The following FAM107A variants were observed in gnomAD, a reference collection of about 807,000 sequenced individuals.
The protein encoded by FAM107A is actin-associated protein FAM107A.
FAM107A carries 19 observed loss-of-function variants against 13.7 expected under a neutral mutation model. The observed-to-expected ratio is 1.38, with a 90% confidence interval of 0.97 to 2.03. The LOEUF is 2.03. Among genes scored for constraint, FAM107A ranks in the 30% most tolerant of loss-of-function variants. FAM107A has a pLI of 0.00. For synonymous variants in FAM107A, 82 were observed against 74.5 expected (o/e 1.10, Z -0.52); for missense variants, 203 against 184.4 (o/e 1.10, Z -0.58).
rs1348360231 is a variant in FAM107A, at chr3:58,566,659, G to T, written c.364C>A (p.Pro122Thr). 55 of 1,614,030 alleles carry T rather than the reference G, an allele frequency of 3.4e-5. No homozygotes were observed. Among genetic ancestry groups the T allele is most frequent in the Non-Finnish European group, 4.5e-5 (53 of 1,179,958 alleles). ...KPPEKEEDHA[P>T]EFIKVRENLR... ...TTTTCCCTGACTTTAATAAACTCGG[G>T]GGCGTGATCCTCTTCCTTCTCTGGT... is the stretch of plus-strand genomic sequence containing the variant. Residue 122 changes from proline to threonine, a missense_variant, in exon 4 of 4, where the codon CCC becomes ACC. Transcript: ENST00000360997.
upstream of FAM107A, among the ~76,000 whole-genome samples, chr3:58,581,533 G>T (rs947561505): frequency 5.3e-5 from 8 of 152,088 alleles, no homozygotes; most frequent in Non-Finnish European, 4.4e-5. Flanking sequence ...AATCTCCAAG[G>T]CCCCTTTTCA....
At chr3:58,575,348 C>T (rs1489230848) in intron 1 of FAM107A, among the ~76,000 whole-genome samples, 1 of 152,074 alleles carries the variant, frequency 6.6e-6, no homozygotes, top group Non-Finnish European at 1.5e-5. Context: ...TGTGCTTAGC[C>T]CAGCGCCTGG....
In FAM107A at chr3:58,604,537, T is replaced by A. The variant is rs74944171; in HGVS notation, c.-69-15268A>T. Among the ~76,000 whole-genome samples, 1 of 152,148 alleles carries A rather than the reference T, an allele frequency of 6.6e-6. No homozygotes were observed. The highest frequency in any genetic ancestry group is 1.5e-5 in the Non-Finnish European group (1 of 68,024). On this transcript the variant is annotated intron_variant, in intron 1 of 3. Transcript: ENST00000465970. The surrounding 1 kb of genome is among the most constrained non-coding windows in gnomAD (Gnocchi z 4.1). ...GCAGGGTCATAACTTGTTTCTCTCA[T>A]TGTTGCACGTGACAGCCTCACCCAC...
intron 1 of FAM107A, chr3:58,570,341 C>G (rs1433298406): frequency 4.2e-5 from 41 of 978,116 alleles, no homozygotes; most frequent in Non-Finnish European, 5.0e-5. Context: ...TTGTCTAACT[C>G]TATCCACAGT....
chr3:58,586,850 C>G (rs17059434), intron 1 of FAM107A: 288,495 of 1,525,824 alleles, frequency 0.19, 32,298 homozygotes, highest in East Asian at 0.41. Context: ...GGCGTTGCTC[C>G]CACTTACCCG....
At chr3:58,580,273 A>G (rs2065516511), upstream of FAM107A, among the ~76,000 whole-genome samples, 1 of 151,938 alleles carries the variant, frequency 6.6e-6, no homozygotes, top group South Asian at 2.1e-4. Context: ...ACTAGTGTGG[A>G]GGCAAATACA....
At chr3:58,624,482 C>A (rs1265966819) in intron 1 of FAM107A, among the ~76,000 whole-genome samples, 1 of 151,252 alleles carries the variant, frequency 6.6e-6, no homozygotes, top group East Asian at 2.0e-4. Flanking sequence ...TCTGCCCACC[C>A]CACAGCTGGA....
chr3:58,569,894 G>C lies in FAM107A; in HGVS notation c.-5-29C>G. On this transcript the variant is annotated intron_variant, in intron 1 of 3. Transcript: ENST00000360997. This position sits in a 1 kb window ranked among gnomAD's most constrained non-coding sequence, Gnocchi z 5.7. ...TAGAGATGGGCAGAGGAGTAGCTCAGAGCTGAGCCTATAATCTCACCCTGC... is the reference window on the plus strand; with the variant it reads ...TAGAGATGGGCAGAGGAGTAGCTCACAGCTGAGCCTATAATCTCACCCTGC... 6.2e-7 allele frequency: 1 copy of C among 1,602,398 alleles called. No individual in the cohort carries two copies. Among genetic ancestry groups the C allele is most frequent in the Non-Finnish European group, 8.5e-7 (1 of 1,174,562 alleles).
chr3:58,618,050 G>C (rs1300197687), intron 1 of FAM107A, among the ~76,000 whole-genome samples: 1 of 152,166 alleles, frequency 6.6e-6, no homozygotes, highest in East Asian at 1.9e-4. Flanking sequence ...CTTTGTGGCT[G>C]GGTTTGTGGT....
upstream of FAM107A, among the ~76,000 whole-genome samples, chr3:58,580,891 T>C (rs2065530582): frequency 6.6e-6 from 1 of 152,182 alleles, no homozygotes; most frequent in African/African-American, 2.4e-5. Context: ...AAAAAGACTC[T>C]AAGAATTAAA....
chr3:58,585,977 A>G (rs1317778684), intron 1 of FAM107A, among the ~76,000 whole-genome samples: 1 of 152,236 alleles, frequency 6.6e-6, no homozygotes, highest in Non-Finnish European at 1.5e-5. Context: ...AAAAGCACCT[A>G]TCATCCAACC....
chr3:58,598,988 C>G (rs1316501378), intron 1 of FAM107A, among the ~76,000 whole-genome samples: 1 of 152,076 alleles, frequency 6.6e-6, no homozygotes, highest in Non-Finnish European at 1.5e-5. Flanking sequence ...GTCGCCCAGG[C>G]TGGAGTGCGA....
At chr3:58,587,982 C>G (rs759156940), upstream of FAM107A, among the ~76,000 whole-genome samples, 13 of 152,132 alleles carry the variant, frequency 8.5e-5, no homozygotes, top group Admixed American at 5.9e-4. Flanking sequence ...CAGTGTAGGG[C>G]TGGGATACAT....
At chr3:58,581,296 A>G (rs1462182136), upstream of FAM107A, among the ~76,000 whole-genome samples, 2 of 152,246 alleles carry the variant, frequency 1.3e-5, no homozygotes, top group African/African-American at 2.4e-5. Context: ...GGGACAGGGA[A>G]GACCAGGGGA....
intron 1 of FAM107A, among the ~76,000 whole-genome samples, chr3:58,586,313 C>T (rs2065605165): frequency 1.3e-5 from 2 of 152,134 alleles, no homozygotes; most frequent in African/African-American, 2.4e-5. Flanking sequence ...GGTCAAGAAA[C>T]TGTGTGAGCG....
At chr3:58,574,592 T>A (rs1333236179) in intron 1 of FAM107A, among the ~76,000 whole-genome samples, 1 of 152,148 alleles carries the variant, frequency 6.6e-6, no homozygotes, top group Non-Finnish European at 1.5e-5. Flanking sequence ...GCTGTGAAGA[T>A]TGGATGAGCT....
In FAM107A at chr3:58,564,870, C is replaced by T. The variant is rs528743952; in HGVS notation, c.*1718G>A. ...GGAGCTTGACTTATACACACGCACA[C>T]AGGCGCAATATCTGCATTTACAGCC... On this transcript the variant is annotated 3_prime_UTR_variant, in exon 4 of 4. Coordinates refer to ENST00000360997, the MANE Select transcript of FAM107A (RefSeq NM_001076778.3). This position sits in a 1 kb window ranked among gnomAD's most constrained non-coding sequence, Gnocchi z 5.6. 1 of 152,428 alleles carries T rather than the reference C, an allele frequency of 6.6e-6. No homozygotes were observed. The highest frequency in any genetic ancestry group is 2.1e-4 in the South Asian group (1 of 4,834). The allele number at this position is 152,428 out of a possible 1,614,324, so 9.4% of individuals were successfully genotyped here.
chr3:58,569,638 C>T lies in FAM107A; in HGVS notation c.170+53G>A. The T allele has an allele frequency of 2.7e-6, 4 of 1,465,846 alleles. No individual in the cohort carries two copies. The highest frequency in any genetic ancestry group is 3.7e-6 in the Non-Finnish European group (4 of 1,077,194). 90.8% of individuals were successfully genotyped at this position (1,465,846 alleles called of 1,614,324 possible). A position where few individuals can be genotyped will look rare whatever the true frequency, so the allele number is the denominator to read the frequency against. ...TTTCCTCCAGGGTCACCTTCCCCAT[C>T]CCCCACAGGCCCAGGTGCTTGCGGG... On this transcript the variant is annotated intron_variant, in intron 2 of 3. Coordinates refer to ENST00000360997, the MANE Select transcript of FAM107A (RefSeq NM_001076778.3). The surrounding 1 kb of genome is among the most constrained non-coding windows in gnomAD (Gnocchi z 5.7).
In FAM107A at chr3:58,613,759, G is replaced by T. The variant is rs1439867539; in HGVS notation, c.-70+13657C>A. Among the ~76,000 whole-genome samples the T allele has an allele frequency of 1.3e-5, 2 of 152,190 alleles. No individual in the cohort carries two copies. The highest frequency in any genetic ancestry group is 4.8e-5 in the African/African-American group (2 of 41,434). Reference sequence around the variant, plus strand: ...TCTTGGGGAGGCTCAACCCTCCCAAGTGCTCAGCTTACCACAGCTGCCAAG... The same window carrying T: ...TCTTGGGGAGGCTCAACCCTCCCAATTGCTCAGCTTACCACAGCTGCCAAG... On this transcript the variant is annotated intron_variant, in intron 1 of 3. Transcript: ENST00000465970. This position sits in a 1 kb window ranked among gnomAD's most constrained non-coding sequence, Gnocchi z 4.6.
Sources: allele counts gnomAD v4.1 joint callset (sites outside exome capture counted in the v4.1 genomes callset), GRCh38; gene constraint gnomAD v4.1.1; non-coding constraint Gnocchi (gnomAD v3.1); transcripts MANE v1.5; gene names NCBI Gene and HGNC (gene_info 2026-07-23, HGNC 2026-07-21).